The following CNTNAP5 variants were observed in gnomAD, a reference collection of about 807,000 sequenced individuals.
CNTNAP5 encodes contactin-associated protein-like 5.
A neutral mutation model predicts 150.2 loss-of-function variants in CNTNAP5; 72 were observed. That is an observed-to-expected ratio of 0.48 (90% CI 0.40 to 0.58). The LOEUF (loss-of-function observed/expected upper bound fraction) is 0.58, where lower values mean the gene tolerates loss of function less well. CNTNAP5 is among the 20% of genes least tolerant of loss of function. The probability of loss-of-function intolerance (pLI) is 0.00; values close to 1 mark genes in which losing one functional copy is unlikely to be tolerated. For missense variants in CNTNAP5, 1,636 were observed against 1,626.2 expected (o/e 1.01, Z -0.10); for synonymous variants, 672 against 619.8 (o/e 1.08, Z -1.25).
chr2:124,640,602 T>A (rs1678070426), intron 12 of CNTNAP5, among the ~76,000 whole-genome samples: 1 of 152,184 alleles, frequency 6.6e-6, no homozygotes, highest in Non-Finnish European at 1.5e-5. Context: ...AAACAGCTCC[T>A]GGGGGATTTC....
chr2:124,394,377 A>AG (rs1691194660), intron 3 of CNTNAP5, among the ~76,000 whole-genome samples: 1 of 151,296 alleles, frequency 6.6e-6, no homozygotes, highest in Non-Finnish European at 1.5e-5. Context: ...GTCTCAAAAA[A>AG]AAAAAAAAAA....
At chr2:124,498,484 T>C (rs1320899666) in intron 7 of CNTNAP5, among the ~76,000 whole-genome samples, 4 of 152,204 alleles carry the variant, frequency 2.6e-5, no homozygotes, top group African/African-American at 9.6e-5. Flanking sequence ...ACTTTTTAAA[T>C]AGAGATTGGG....
At chr2:124,512,091 C>A (rs1258543053) in intron 8 of CNTNAP5, among the ~76,000 whole-genome samples, 1 of 151,676 alleles carries the variant, frequency 6.6e-6, no homozygotes, top group Non-Finnish European at 1.5e-5. Context: ...GAGAGAAATC[C>A]AGGCAGAGAC....
chr2:124,355,175 C>A (rs935807482), intron 3 of CNTNAP5, among the ~76,000 whole-genome samples: 15 of 151,740 alleles, frequency 9.9e-5, no homozygotes, highest in Non-Finnish European at 1.6e-4. Context: ...AAGTAGATGT[C>A]TACAAAAAAT....
intron 13 of CNTNAP5, among the ~76,000 whole-genome samples, chr2:124,683,180 T>C (rs544293792): frequency 2.7e-4 from 41 of 152,300 alleles, no homozygotes; most frequent in African/African-American, 9.6e-4. Context: ...TCTCAGCTGT[T>C]GGGGGAGCCG....
At chr2:124,277,339 A>G (rs1460785988) in intron 3 of CNTNAP5, among the ~76,000 whole-genome samples, 1 of 152,128 alleles carries the variant, frequency 6.6e-6, no homozygotes, top group East Asian at 1.9e-4. Flanking sequence ...GAGAGCTTTT[A>G]TTGATTGCAC....
chr2:124,476,288 G>A (rs763020235), intron 7 of CNTNAP5, among the ~76,000 whole-genome samples: 4 of 152,090 alleles, frequency 2.6e-5, no homozygotes, highest in Non-Finnish European at 5.9e-5. Context: ...AATTCAAAAG[G>A]AGAAGGATAG....
chr2:124,674,524 T>TTTCTTTCC (rs1678894728), intron 13 of CNTNAP5, among the ~76,000 whole-genome samples: 1 of 138,766 alleles, frequency 7.2e-6, no homozygotes, highest in Non-Finnish European at 1.5e-5. Flanking sequence ...TCTTTCTTTC[T>TTTCTTTCC]TTCTTTCTTT....
chr2:124,803,173 A>G (rs942797486), intron 19 of CNTNAP5, among the ~76,000 whole-genome samples: 1 of 151,946 alleles, frequency 6.6e-6, no homozygotes, highest in Non-Finnish European at 1.5e-5. Context: ...AACGAATGTC[A>G]TCGATGCTAG....
At chr2:124,666,538 A>T (rs1057068885) in intron 13 of CNTNAP5, among the ~76,000 whole-genome samples, 2 of 152,132 alleles carry the variant, frequency 1.3e-5, no homozygotes, top group African/African-American at 2.4e-5. Context: ...ATCACAAGGC[A>T]TGTCTGATCT....
intron 22 of CNTNAP5, among the ~76,000 whole-genome samples, chr2:124,907,303 G>A (rs943665354): frequency 3.3e-5 from 5 of 151,920 alleles, no homozygotes; most frequent in African/African-American, 1.2e-4. Flanking sequence ...ACCCCTCACA[G>A]GTAAATCATT....
intron 1 of CNTNAP5, among the ~76,000 whole-genome samples, chr2:124,213,850 G>T (rs2104728914): frequency 6.6e-6 from 1 of 152,226 alleles, no homozygotes; most frequent in Non-Finnish European, 1.5e-5. Flanking sequence ...TTAGGGAAGG[G>T]TATTTCAGAG....
chr2:124,920,052 A>T lies in CNTNAP5; in HGVS notation c.*5764A>T, dbSNP rs1678843985. On this transcript the variant is annotated 3_prime_UTR_variant, in exon 24 of 24. Transcript: ENST00000682447. ...CAACGAGTACCGCCAGGGACCTACC[A>T]TCTAACACCATCTGGGAACACTATT... Among the ~76,000 whole-genome samples, 1 of 152,118 alleles carries T rather than the reference A, an allele frequency of 6.6e-6. No homozygotes were observed. The highest frequency in any genetic ancestry group is 6.6e-5 in the Admixed American group (1 of 15,258).
intron 13 of CNTNAP5, among the ~76,000 whole-genome samples, chr2:124,728,208 A>T (rs570019888): frequency 1.3e-5 from 2 of 152,066 alleles, no homozygotes; most frequent in South Asian, 4.1e-4. Context: ...TCTATCGAGG[A>T]TTCTTTTACA....
chr2:124,718,555 T>C (rs1348910986), intron 13 of CNTNAP5, among the ~76,000 whole-genome samples: 2 of 152,160 alleles, frequency 1.3e-5, no homozygotes, highest in African/African-American at 4.8e-5. Context: ...CACTATTGCC[T>C]TTAAATATGC....
intron 1 of CNTNAP5, among the ~76,000 whole-genome samples, chr2:124,075,722 GGACT>G (rs1286247347): frequency 1.3e-5 from 2 of 152,080 alleles, no homozygotes; most frequent in African/African-American, 2.4e-5. Flanking sequence ...GTCTGTGTGT[GGACT>G]GATTAGCAGA....
chr2:124,072,851 A>G (rs958923620), intron 1 of CNTNAP5, among the ~76,000 whole-genome samples: 1 of 152,110 alleles, frequency 6.6e-6, no homozygotes, highest in Non-Finnish European at 1.5e-5. Context: ...AGAAATAGAA[A>G]AAAGAATTCT....
chr2:124,690,740 C>T (rs1679284401), intron 13 of CNTNAP5, among the ~76,000 whole-genome samples: 1 of 152,046 alleles, frequency 6.6e-6, no homozygotes, highest in Non-Finnish European at 1.5e-5. Flanking sequence ...ACTTCAACCC[C>T]TCCTTAGGCA....
chr2:124,882,081 G>A (rs1461079532), intron 21 of CNTNAP5, among the ~76,000 whole-genome samples: 1 of 152,060 alleles, frequency 6.6e-6, no homozygotes, highest in Non-Finnish European at 1.5e-5. Flanking sequence ...AGCACAGCCT[G>A]TCGCCTAAGC....
Sources: allele counts gnomAD v4.1 joint callset (sites outside exome capture counted in the v4.1 genomes callset), GRCh38; gene constraint gnomAD v4.1.1; transcripts MANE v1.5; gene names NCBI Gene and HGNC (gene_info 2026-07-23, HGNC 2026-07-21).